Variants in MYRIP observed in about 807,000 individuals in gnomAD.
MYRIP encodes myosin VIIA and Rab interacting protein.
Under a neutral mutation model 98.0 loss-of-function variants are expected in MYRIP, and 49 were observed. The ratio of observed to expected loss-of-function variants is 0.50; its 90% CI spans 0.40 to 0.63. MYRIP has a LOEUF of 0.63. MYRIP is among the 30% of genes least tolerant of loss of function. MYRIP has a pLI of 0.00. For synonymous variants in MYRIP, 404 were observed against 409.5 expected (o/e 0.99, Z 0.16); for missense variants, 1,004 against 1,058.2 (o/e 0.95, Z 0.71).
At chr3:40,141,843 A>G (rs989729859) in intron 3 of MYRIP, among the ~76,000 whole-genome samples, 3 of 152,138 alleles carry the variant, frequency 2.0e-5, no homozygotes, top group African/African-American at 7.2e-5. Flanking sequence ...TTTTGGTTAC[A>G]ACAGCTTCGT....
In MYRIP at chr3:39,872,383, A is replaced by T. The variant is rs368325428; in HGVS notation, c.-30-28404A>T. ...TTAAGTTTTAGGGTACATGTGCACA[A>T]TGTGCAGGTTAGTTACATATGTATA... On this transcript the variant is annotated intron_variant, in intron 1 of 16. Transcript: ENST00000302541. 2.6e-5 allele frequency among the ~76,000 whole-genome samples: 4 copies of T among 152,024 alleles called. No homozygotes were observed. In the East Asian group the frequency reaches 7.7e-4, roughly 29 times the overall value.
chr3:40,227,730 A>G (rs900699317), intron 11 of MYRIP, among the ~76,000 whole-genome samples: 1 of 152,190 alleles, frequency 6.6e-6, no homozygotes, highest in Non-Finnish European at 1.5e-5. Flanking sequence ...GGCACTCACC[A>G]GCATTGTGCC....
chr3:40,059,649 C>G (rs1385486933), intron 3 of MYRIP, among the ~76,000 whole-genome samples: 1 of 152,050 alleles, frequency 6.6e-6, no homozygotes, highest in Non-Finnish European at 1.5e-5. Context: ...GAGCCCTTGC[C>G]TTATTGAGTT....
In MYRIP at chr3:39,860,345, C is replaced by T. The variant is rs77701631; in HGVS notation, c.-30-40442C>T. On this transcript the variant is annotated intron_variant, in intron 1 of 16. Coordinates refer to ENST00000302541, the MANE Select transcript of MYRIP (RefSeq NM_015460.4). Reference sequence around the variant, plus strand: ...AGAGGTGGTAGGAGGATAACTCCAGCTTGTACAGAGCCCAGAGGGTTTGAT... The same window carrying T: ...AGAGGTGGTAGGAGGATAACTCCAGTTTGTACAGAGCCCAGAGGGTTTGAT... Among the ~76,000 whole-genome samples the T allele has an allele frequency of 3.8e-3, 582 of 152,280 alleles. 24 individuals are homozygous for T. In the East Asian group the frequency reaches 0.087, roughly 23 times the overall value.
At chr3:40,076,850 C>G (rs559992242) in intron 3 of MYRIP, among the ~76,000 whole-genome samples, 1 of 152,194 alleles carries the variant, frequency 6.6e-6, no homozygotes, top group Non-Finnish European at 1.5e-5. Flanking sequence ...AATTACAACA[C>G]CAGAGATTAT....
intron 9 of MYRIP, 69 bp downstream of exon 9, chr3:40,182,442 A>G (rs1325845129): frequency 6.6e-7 from 1 of 1,518,662 alleles, no homozygotes; most frequent in Non-Finnish European, 8.9e-7. Context: ...CATCTTGGCT[A>G]TTGCATGGCC....
chr3:40,158,483 G>C (rs1248640927), intron 4 of MYRIP, among the ~76,000 whole-genome samples: 2 of 152,104 alleles, frequency 1.3e-5, no homozygotes, highest in Non-Finnish European at 2.9e-5. Flanking sequence ...TTGATTTGGG[G>C]TGGAGAGTTC....
intron 9 of MYRIP, among the ~76,000 whole-genome samples, chr3:40,188,658 T>C (rs1015445612): frequency 2.0e-5 from 3 of 152,030 alleles, no homozygotes; most frequent in African/African-American, 7.2e-5. Context: ...GCACCTGTAA[T>C]CCCAGCTACT....
intron 9 of MYRIP, among the ~76,000 whole-genome samples, chr3:40,184,180 GCTCT>G (rs1251362413): frequency 6.6e-6 from 1 of 151,312 alleles, no homozygotes; most frequent in Non-Finnish European, 1.5e-5. Flanking sequence ...TCATATTCTC[GCTCT>G]CTCTCTTCTT....
intron 1 of MYRIP, among the ~76,000 whole-genome samples, chr3:39,888,674 C>G (rs937926654): frequency 6.6e-6 from 1 of 152,110 alleles, no homozygotes; most frequent in African/African-American, 2.4e-5. Flanking sequence ...CCAAAATTGA[C>G]AAATGGGATC....
chr3:39,918,541 G>A (rs1241731203), intron 2 of MYRIP, among the ~76,000 whole-genome samples: 1 of 152,158 alleles, frequency 6.6e-6, no homozygotes, highest in Admixed American at 6.5e-5. Context: ...CTGTGCCATT[G>A]CTTCATTCTA....
chr3:39,878,374 C>G (rs1164322750), intron 1 of MYRIP, among the ~76,000 whole-genome samples: 1 of 152,162 alleles, frequency 6.6e-6, no homozygotes, highest in Non-Finnish European at 1.5e-5. Context: ...CACTGTCTGG[C>G]ACTCACTAGT....
At chr3:39,813,060 G>A (rs958342598) in intron 1 of MYRIP, among the ~76,000 whole-genome samples, 1 of 152,174 alleles carries the variant, frequency 6.6e-6, no homozygotes, top group Admixed American at 6.5e-5. Flanking sequence ...ATTTTAAAGA[G>A]GGTTAACTGA....
chr3:40,243,524 T>G (rs1953091165), intron 12 of MYRIP, among the ~76,000 whole-genome samples: 1 of 152,168 alleles, frequency 6.6e-6, no homozygotes, highest in African/African-American at 2.4e-5. Context: ...TTCATTCAAA[T>G]CAACTCTAAA....
intron 3 of MYRIP, among the ~76,000 whole-genome samples, chr3:40,090,762 C>A (rs1020911596): frequency 6.6e-6 from 1 of 152,166 alleles, no homozygotes; most frequent in African/African-American, 2.4e-5. Flanking sequence ...CTGTGCCTTC[C>A]TTTCCTCAAC....
intron 2 of MYRIP, among the ~76,000 whole-genome samples, chr3:40,034,917 T>C (rs1947343406): frequency 6.6e-6 from 1 of 151,862 alleles, no homozygotes; most frequent in African/African-American, 2.4e-5. Context: ...GTTCATGTCC[T>C]TTGTAGGGAC....
intron 2 of MYRIP, among the ~76,000 whole-genome samples, chr3:39,950,427 T>C (rs1575406210): frequency 6.6e-6 from 1 of 152,364 alleles, no homozygotes; most frequent in East Asian, 1.9e-4. Flanking sequence ...CATTTTTTCA[T>C]ATGTTTTAGA....
intron 1 of MYRIP, among the ~76,000 whole-genome samples, chr3:39,897,792 T>C (rs1943649014): frequency 6.6e-6 from 1 of 151,712 alleles, no homozygotes; most frequent in African/African-American, 2.4e-5. Flanking sequence ...TTTGGAGCTA[T>C]TTTATTTATT....
At chr3:40,073,667 T>C (rs1948277327) in intron 3 of MYRIP, among the ~76,000 whole-genome samples, 1 of 152,254 alleles carries the variant, frequency 6.6e-6, no homozygotes, top group Non-Finnish European at 1.5e-5. Context: ...CTTATTAGCA[T>C]GTAGCTATAT....
Sources: gnomAD v4.1 joint callset for allele counts (sites outside exome capture counted in the v4.1 genomes callset) on GRCh38, gnomAD v4.1.1 for gene constraint, MANE v1.5 for transcripts, NCBI Gene and HGNC (gene_info 2026-07-23, HGNC 2026-07-21) for gene names.